The following GALNT17 variants were observed in gnomAD, a reference collection of about 807,000 sequenced individuals.
GALNT17 encodes UDP-GalNAc:polypeptide N-acetylgalactosaminyltransferase-like 3.
In GALNT17, 29 loss-of-function variants were observed where a neutral mutation model predicts 63.7. The ratio of observed to expected loss-of-function variants is 0.46; its 90% CI spans 0.34 to 0.62. GALNT17 has a LOEUF of 0.62. Ranked by LOEUF, GALNT17 falls within the 20% of genes least tolerant of loss-of-function variation. GALNT17 has a pLI of 0.01. For missense variants in GALNT17, 603 were observed against 799.6 expected (o/e 0.75, Z 2.97); for synonymous variants, 305 against 318.3 (o/e 0.96, Z 0.45).
chr7:71,568,073 A>G (rs758179823), intron 5 of GALNT17, among the ~76,000 whole-genome samples: 1 of 152,212 alleles, frequency 6.6e-6, no homozygotes, highest in Non-Finnish European at 1.5e-5. Context: ...TGGAGTTTCA[A>G]TGGACCTCCT....
chr7:71,216,212 G>C (rs892337042), intron 1 of GALNT17, among the ~76,000 whole-genome samples: 1 of 151,958 alleles, frequency 6.6e-6, no homozygotes, highest in Non-Finnish European at 1.5e-5. Flanking sequence ...GCAAGACCCT[G>C]TCACAAACAA....
intron 3 of GALNT17, among the ~76,000 whole-genome samples, chr7:71,407,207 C>G (rs890383208): frequency 2.0e-5 from 3 of 152,118 alleles, no homozygotes; most frequent in African/African-American, 7.2e-5. Context: ...GATGAGGAGT[C>G]TTATCTAAGT....
chr7:71,702,790 T>C (rs1223599580), intron 9 of GALNT17, among the ~76,000 whole-genome samples: 1 of 152,086 alleles, frequency 6.6e-6, no homozygotes, highest in Non-Finnish European at 1.5e-5. Flanking sequence ...TGGATATGAT[T>C]TGCTAATGGA....
intron 1 of GALNT17, among the ~76,000 whole-genome samples, chr7:71,219,399 C>A (rs1789543614): frequency 7.1e-6 from 1 of 141,512 alleles, no homozygotes; most frequent in South Asian, 2.7e-4. Flanking sequence ...TAAAATTAAA[C>A]CTTTGTTTCC....
At chr7:71,420,210 C>A (rs1166736214) in intron 4 of GALNT17, among the ~76,000 whole-genome samples, 2 of 152,140 alleles carry the variant, frequency 1.3e-5, no homozygotes. Flanking sequence ...ACACCTTGAA[C>A]CTGGAGCCAG....
chr7:71,356,215 T>G (rs200109106), intron 2 of GALNT17, among the ~76,000 whole-genome samples: 2 of 152,096 alleles, frequency 1.3e-5, no homozygotes, highest in East Asian at 3.9e-4. Context: ...TGTCCTCAAA[T>G]GATCCTCTTG....
intron 5 of GALNT17, among the ~76,000 whole-genome samples, chr7:71,426,572 G>C (rs566711713): frequency 6.6e-6 from 1 of 152,258 alleles, no homozygotes; most frequent in East Asian, 1.9e-4. Flanking sequence ...TTTTGAGGAG[G>C]CCTCATAGAG....
At chr7:71,644,191 C>A (rs925465981) in intron 6 of GALNT17, among the ~76,000 whole-genome samples, 2 of 151,772 alleles carry the variant, frequency 1.3e-5, no homozygotes, top group African/African-American at 2.4e-5. Context: ...CAGCTTGAGA[C>A]TGGAGTTTGA....
At chr7:71,609,856 A>G (rs942523255) in intron 6 of GALNT17, among the ~76,000 whole-genome samples, 2 of 152,118 alleles carry the variant, frequency 1.3e-5, no homozygotes, top group Admixed American at 1.3e-4. Flanking sequence ...GGTTTTATTC[A>G]TTCTTAAGAG....
intron 5 of GALNT17, among the ~76,000 whole-genome samples, chr7:71,569,572 C>T (rs1034281633): frequency 6.6e-6 from 1 of 152,110 alleles, no homozygotes; most frequent in African/African-American, 2.4e-5. Context: ...TTAGCTCGGC[C>T]AGAAGATGCA....
At chr7:71,320,135 A>G (rs12155498) in intron 1 of GALNT17, among the ~76,000 whole-genome samples, 95,198 of 152,048 alleles carry the variant, frequency 0.63, 30,097 homozygotes, top group African/African-American at 0.7. Context: ...GAGCAGATAC[A>G]TACTCTCTGC....
intron 1 of GALNT17, among the ~76,000 whole-genome samples, chr7:71,153,953 AT>A (rs1554333761): frequency 4.4e-5 from 3 of 68,396 alleles, no homozygotes; most frequent in African/African-American, 1.1e-4. Context: ...AAATAAAAAA[AT>A]AAAAATGTAT....
chr7:71,402,015 AAG>A (rs1793249741), intron 3 of GALNT17, among the ~76,000 whole-genome samples: 1 of 152,208 alleles, frequency 6.6e-6, no homozygotes, highest in African/African-American at 2.4e-5. Context: ...ATGGGGAGGA[AAG>A]AGAGGAATAA....
At chr7:71,440,273 C>G (rs1272212568) in intron 5 of GALNT17, among the ~76,000 whole-genome samples, 1 of 152,042 alleles carries the variant, frequency 6.6e-6, no homozygotes, top group African/African-American at 2.4e-5. Flanking sequence ...GCAGAAGACT[C>G]TGAAATTCAG....
At chr7:71,645,326 G>C (rs1470488729) in intron 6 of GALNT17, among the ~76,000 whole-genome samples, 2 of 152,190 alleles carry the variant, frequency 1.3e-5, no homozygotes, top group Non-Finnish European at 2.9e-5. Flanking sequence ...CTGGTGTGAG[G>C]TGATTGGATC....
intron 1 of GALNT17, among the ~76,000 whole-genome samples, chr7:71,149,645 A>G (rs750695616): frequency 5.9e-5 from 9 of 152,250 alleles, no homozygotes; most frequent in Non-Finnish European, 1.3e-4. Flanking sequence ...GCCCATAATT[A>G]GAACAAAATG....
intron 1 of GALNT17, among the ~76,000 whole-genome samples, chr7:71,332,924 G>C (rs1791831405): frequency 6.6e-6 from 1 of 152,138 alleles, no homozygotes; most frequent in African/African-American, 2.4e-5. Flanking sequence ...CTGACCTCAA[G>C]TGATCCGCCC....
intron 9 of GALNT17, among the ~76,000 whole-genome samples, chr7:71,705,900 G>T (rs968056700): frequency 6.6e-6 from 1 of 152,156 alleles, no homozygotes; most frequent in Admixed American, 6.5e-5. Context: ...ACGTGCAGAG[G>T]ACAGGAAGAA....
chr7:71,642,462 C>G (rs1322772393), intron 6 of GALNT17, among the ~76,000 whole-genome samples: 1 of 152,154 alleles, frequency 6.6e-6, no homozygotes, highest in Non-Finnish European at 1.5e-5. Flanking sequence ...ACAGAATGTG[C>G]TGCAGATTCA....
Sources: allele counts gnomAD v4.1 joint callset (sites outside exome capture counted in the v4.1 genomes callset), GRCh38; gene constraint gnomAD v4.1.1; transcripts MANE v1.5; gene names NCBI Gene and HGNC (gene_info 2026-07-23, HGNC 2026-07-21).